The following MOB3B variants were observed in gnomAD, a reference collection of about 807,000 sequenced individuals.
MOB3B encodes the protein MOB kinase activator-like 2B.
A neutral mutation model predicts 18.7 loss-of-function variants in MOB3B; 7 were observed. That is an observed-to-expected ratio of 0.37 (90% CI 0.21 to 0.70). The LOEUF (loss-of-function observed/expected upper bound fraction) is 0.70, where lower values mean the gene tolerates loss of function less well. MOB3B is among the 30% of genes least tolerant of loss of function. The pLI, the probability that MOB3B is intolerant of heterozygous loss-of-function variation, is 0.52. For synonymous variants in MOB3B, 111 were observed against 99.9 expected (o/e 1.11, Z -0.66); for missense variants, 253 against 281.3 (o/e 0.90, Z 0.72).
intron 2 of MOB3B, among the ~76,000 whole-genome samples, chr9:27,366,796 C>G (rs1311122154): frequency 1.3e-5 from 2 of 152,218 alleles, no homozygotes; most frequent in Non-Finnish European, 1.5e-5. Context: ...GAACTGCCCC[C>G]AAACACCTCA....
intron 3 of MOB3B, among the ~76,000 whole-genome samples, chr9:27,343,234 G>A (rs568687384): frequency 6.6e-6 from 1 of 151,404 alleles, no homozygotes; most frequent in South Asian, 2.1e-4. Flanking sequence ...ATGGATTAAG[G>A]GTGGTGCAAG....
intron 2 of MOB3B, among the ~76,000 whole-genome samples, chr9:27,364,039 C>G (rs1359477965): frequency 1.3e-5 from 2 of 152,216 alleles, no homozygotes; most frequent in Non-Finnish European, 2.9e-5. Flanking sequence ...GCTATCTTGT[C>G]CAGCCAAAAA....
intron 1 of MOB3B, among the ~76,000 whole-genome samples, chr9:27,518,030 T>C (rs1006572967): frequency 6.6e-6 from 1 of 152,130 alleles, no homozygotes; most frequent in African/African-American, 2.4e-5. Context: ...CAGGCATTGT[T>C]CAGACACTTA....
intron 1 of MOB3B, among the ~76,000 whole-genome samples, chr9:27,513,632 C>T (rs1043360826): frequency 6.6e-6 from 1 of 152,144 alleles, no homozygotes; most frequent in Non-Finnish European, 1.5e-5. Context: ...ACTTGCTGTT[C>T]CCTCTGTCCA....
intron 2 of MOB3B, among the ~76,000 whole-genome samples, chr9:27,407,717 G>A (rs528589071): frequency 2.6e-5 from 4 of 152,270 alleles, no homozygotes; most frequent in Middle Eastern, 3.4e-3. Context: ...AATGAAACCA[G>A]AAACTCCCAG....
intron 1 of MOB3B, among the ~76,000 whole-genome samples, chr9:27,478,618 A>C (rs972497290): frequency 3.9e-5 from 6 of 152,180 alleles, no homozygotes; most frequent in African/African-American, 1.4e-4. Context: ...GGGATCAAAA[A>C]ATGTGAAAGA....
At chr9:27,416,429 T>C (rs534688006) in intron 2 of MOB3B, among the ~76,000 whole-genome samples, 142 of 152,248 alleles carry the variant, frequency 9.3e-4, no homozygotes, top group African/African-American at 3.3e-3. Flanking sequence ...GGTGGGCTGC[T>C]AGATTCCTTT....
chr9:27,529,797 G>A lies in MOB3B; in HGVS notation c.-441C>T. 1 of 985,420 alleles carries A rather than the reference G, an allele frequency of 1.0e-6. No individual in the cohort carries two copies. The highest frequency in any genetic ancestry group is 1.2e-6 in the Non-Finnish European group (1 of 829,936). The allele number at this position is 985,420 out of a possible 1,614,324, so 61.0% of individuals were successfully genotyped here. A position where few individuals can be genotyped will look rare whatever the true frequency, so the allele number is the denominator to read the frequency against. On this transcript the variant is annotated 5_prime_UTR_variant, in exon 1 of 4. Transcript: ENST00000262244. ...CCTCATGCACCCAGCGCGCCGCGCA[G>A]CCGGCCGGGGCTCGACTGTCTCGCG...
chr9:27,378,602 C>T (rs771588701), intron 2 of MOB3B: 1 of 471,036 alleles, frequency 2.1e-6, no homozygotes, highest in Non-Finnish European at 4.4e-6. Context: ...CTTCTTCCCC[C>T]TGTATCTCAC....
intron 2 of MOB3B, among the ~76,000 whole-genome samples, chr9:27,409,335 C>T (rs1380338437): frequency 1.3e-5 from 2 of 152,118 alleles, no homozygotes; most frequent in Non-Finnish European, 2.9e-5. Context: ...CGATCACAGC[C>T]ACACAGAAAG....
chr9:27,386,002 C>G (rs957575099), intron 2 of MOB3B, among the ~76,000 whole-genome samples: 3 of 152,236 alleles, frequency 2.0e-5, no homozygotes, highest in African/African-American at 7.2e-5. Flanking sequence ...ACCTGCTGAG[C>G]ACTGGACACC....
intron 2 of MOB3B, among the ~76,000 whole-genome samples, chr9:27,453,193 A>T (rs1395526790): frequency 6.6e-6 from 1 of 152,236 alleles, no homozygotes; most frequent in Non-Finnish European, 1.5e-5. Context: ...ACCAGTGTCA[A>T]ATAAGGAACC....
At chr9:27,496,452 T>C (rs1249297541) in intron 1 of MOB3B, among the ~76,000 whole-genome samples, 1 of 152,232 alleles carries the variant, frequency 6.6e-6, no homozygotes, top group Non-Finnish European at 1.5e-5. Context: ...TATGGCTCTT[T>C]TGTTGCAAAG....
intron 1 of MOB3B, among the ~76,000 whole-genome samples, chr9:27,516,483 T>TC (rs1268257612): frequency 2.6e-5 from 4 of 152,096 alleles, no homozygotes; most frequent in Admixed American, 6.5e-5. Flanking sequence ...AAGAATCACA[T>TC]CAACAGGAGG....
chr9:27,422,465 G>T (rs967481531), intron 2 of MOB3B, among the ~76,000 whole-genome samples: 1 of 152,138 alleles, frequency 6.6e-6, no homozygotes, highest in Non-Finnish European at 1.5e-5. Flanking sequence ...TCTGACCTAG[G>T]TTTCTAGACA....
At chr9:27,404,104 A>G (rs1331114728) in intron 2 of MOB3B, among the ~76,000 whole-genome samples, 1 of 151,516 alleles carries the variant, frequency 6.6e-6, no homozygotes, top group East Asian at 1.9e-4. Context: ...ACTTTCCTCC[A>G]TCTGGGTAAC....
chr9:27,392,583 A>G (rs1821741655), intron 2 of MOB3B, among the ~76,000 whole-genome samples: 1 of 152,162 alleles, frequency 6.6e-6, no homozygotes, highest in African/African-American at 2.4e-5. Context: ...GAAAGCTATA[A>G]TCCCAGAATA....
chr9:27,360,527 A>G (rs1258021209), intron 2 of MOB3B, among the ~76,000 whole-genome samples: 1 of 152,168 alleles, frequency 6.6e-6, no homozygotes, highest in Non-Finnish European at 1.5e-5. Context: ...AAACAAAACC[A>G]ACAACAACAA....
intron 2 of MOB3B, among the ~76,000 whole-genome samples, chr9:27,444,774 G>A (rs1822665283): frequency 6.6e-6 from 1 of 152,116 alleles, no homozygotes. Context: ...TGAAAATAGG[G>A]ATAATAATAA....
Sources: gnomAD v4.1 joint callset for allele counts (sites outside exome capture counted in the v4.1 genomes callset) on GRCh38, gnomAD v4.1.1 for gene constraint, MANE v1.5 for transcripts, NCBI Gene and HGNC (gene_info 2026-07-23, HGNC 2026-07-21) for gene names.